TAOK3: variants seen among roughly 807,000 people sequenced by gnomAD.
TAOK3 encodes serine/threonine-protein kinase TAO3.
TAOK3 carries 40 observed loss-of-function variants against 120.4 expected under a neutral mutation model. The observed-to-expected ratio is 0.33, with a 90% CI of 0.26 to 0.43. TAOK3 has a LOEUF of 0.43. Among genes scored for constraint, TAOK3 ranks in the 20% least tolerant of loss-of-function variants. TAOK3 has a pLI of 1.00. For missense variants in TAOK3, 821 were observed against 1,112.1 expected (o/e 0.74, Z 3.72); for synonymous variants, 355 against 387.5 (o/e 0.92, Z 0.99).
intron 1 of TAOK3, among the ~76,000 whole-genome samples, chr12:118,356,577 G>T (rs2045403768): frequency 6.6e-6 from 1 of 151,760 alleles, no homozygotes; most frequent in African/African-American, 2.4e-5. Flanking sequence ...TGGGATTACA[G>T]GCGTCAGCAA....
At chr12:118,345,154 T>C (rs1198798610) in intron 1 of TAOK3, among the ~76,000 whole-genome samples, 2 of 152,206 alleles carry the variant, frequency 1.3e-5, no homozygotes, top group East Asian at 3.8e-4. Context: ...TGACATAAAT[T>C]TGAAGTAAGA....
intron 1 of TAOK3, among the ~76,000 whole-genome samples, chr12:118,289,618 A>T (rs1347932001): frequency 6.6e-6 from 1 of 152,194 alleles, no homozygotes; most frequent in Non-Finnish European, 1.5e-5. Context: ...ATTCCTCAAG[A>T]TGTAAGTAAT....
intron 1 of TAOK3, among the ~76,000 whole-genome samples, chr12:118,336,581 G>GAA (rs531962450): frequency 1.3e-5 from 2 of 150,146 alleles, no homozygotes; most frequent in East Asian, 3.9e-4. Context: ...CTCAGGGAAA[G>GAA]AAAAAAAAAT....
intron 15 of TAOK3, among the ~76,000 whole-genome samples, chr12:118,180,272 G>A (rs982544367): frequency 2.7e-5 from 4 of 146,712 alleles, no homozygotes; most frequent in South Asian, 2.2e-4. Flanking sequence ...ACAGGGTCTC[G>A]CTCTGTCACC....
chr12:118,154,923 AT>A (rs2034703876), intron 19 of TAOK3, among the ~76,000 whole-genome samples: 1 of 151,940 alleles, frequency 6.6e-6, no homozygotes, highest in African/African-American at 2.4e-5. Flanking sequence ...CTTCCCCCTT[AT>A]CCCCCCAAGC....
chr12:118,275,258 C>A (rs1673277929), intron 1 of TAOK3, among the ~76,000 whole-genome samples: 1 of 152,040 alleles, frequency 6.6e-6, no homozygotes, highest in Admixed American at 6.6e-5. Flanking sequence ...CTTGTCTCAG[C>A]CTTCCAATTA....
At chr12:118,215,330 CAAAAAA>C (rs759313035) in intron 9 of TAOK3, among the ~76,000 whole-genome samples, 2 of 89,612 alleles carry the variant, frequency 2.2e-5, no homozygotes, top group Admixed American at 1.2e-4. Flanking sequence ...CCCGTCTCTA[CAAAAAA>C]AAAAAAAAAA....
intron 1 of TAOK3, among the ~76,000 whole-genome samples, chr12:118,349,814 G>A (rs1219611999): frequency 6.6e-6 from 1 of 151,926 alleles, no homozygotes; most frequent in Non-Finnish European, 1.5e-5. Context: ...TGCCCCAAAT[G>A]ACAGCTTCAA....
At chr12:118,311,470 G>T (rs2043259526) in intron 1 of TAOK3, among the ~76,000 whole-genome samples, 1 of 151,178 alleles carries the variant, frequency 6.6e-6, no homozygotes, top group African/African-American at 2.4e-5. Context: ...CAGAAAAAAA[G>T]AAAAAAAAGA....
At chr12:118,343,160 G>A (rs191100162) in intron 1 of TAOK3, among the ~76,000 whole-genome samples, 1 of 152,040 alleles carries the variant, frequency 6.6e-6, no homozygotes, top group Non-Finnish European at 1.5e-5. Context: ...AGGTGCGGTG[G>A]CTCATGCCTG....
At chr12:118,218,051 G>A (rs1396196590) in intron 9 of TAOK3, among the ~76,000 whole-genome samples, 10 of 150,208 alleles carry the variant, frequency 6.7e-5, no homozygotes, top group Admixed American at 2.0e-4. Context: ...TAGTAGAGAC[G>A]GGGTTTCACC....
intron 1 of TAOK3, among the ~76,000 whole-genome samples, chr12:118,367,067 CA>C (rs919772334): frequency 1.1e-4 from 17 of 151,752 alleles, no homozygotes; most frequent in South Asian, 4.1e-4. Flanking sequence ...AAAACAACAA[CA>C]AAAAAAATGT....
Position 118,304,986 on chromosome 12 carries a change from T to C in TAOK3, c.-193-38227A>G, listed in dbSNP as rs572521816. Among the ~76,000 whole-genome samples, 4 of 152,296 alleles carry C rather than the reference T, an allele frequency of 2.6e-5. No homozygotes were observed. In the East Asian group the frequency reaches 5.8e-4, roughly 22 times the overall value. On this transcript the variant is annotated intron_variant, in intron 1 of 20. Coordinates refer to ENST00000392533, the MANE Select transcript of TAOK3 (RefSeq NM_016281.4). ...CATGGTTAAGAACACGGGTTATGATTAAAGTAGAACTGAGTTCAAATCCCA... is the reference window on the plus strand; with the variant it reads ...CATGGTTAAGAACACGGGTTATGATCAAAGTAGAACTGAGTTCAAATCCCA...
In TAOK3 at chr12:118,152,115, G is replaced by A. The variant is rs1004609608; in HGVS notation, c.2535+112C>T. The A allele has an allele frequency of 6.7e-6, 7 of 1,040,096 alleles. No individual in the cohort carries two copies. In the South Asian group the frequency reaches 9.5e-5, roughly 14 times the overall value. The allele number at this position is 1,040,096 out of a possible 1,614,324, so 64.4% of individuals were successfully genotyped here. ...GGTACCAGTAGCATAAAGCAGATAA[G>A]TGAAAAGTGCCCAGTTTAATCTCTA... On this transcript the variant is annotated intron_variant, in intron 20 of 20. Transcript: ENST00000392533.
chr12:118,219,471 A>C (rs1424742736), intron 9 of TAOK3, among the ~76,000 whole-genome samples: 1 of 152,188 alleles, frequency 6.6e-6, no homozygotes, highest in Non-Finnish European at 1.5e-5. Context: ...GTATGTATTC[A>C]GGATTCATTA....
chr12:118,246,109 G>A (rs1031991160), intron 3 of TAOK3: 12 of 1,333,414 alleles, frequency 9.0e-6, no homozygotes, highest in South Asian at 8.1e-5. Flanking sequence ...GGTGCAGCGG[G>A]GGGGCACGGA....
chr12:118,246,328 A>C (rs1282070108), intron 3 of TAOK3: 4 of 1,602,892 alleles, frequency 2.5e-6, no homozygotes, highest in African/African-American at 1.3e-5. Context: ...GAGGAGATCT[A>C]TCTCTTCTCC....
At chr12:118,355,432 A>G (rs757102320) in intron 1 of TAOK3, among the ~76,000 whole-genome samples, 4 of 152,238 alleles carry the variant, frequency 2.6e-5, no homozygotes, top group Admixed American at 6.5e-5. Flanking sequence ...ACAAAATGAA[A>G]AATGTTACTA....
chr12:118,162,062 T>C (rs1309134503), intron 17 of TAOK3, 35 bp from the exon 18 acceptor site: 2 of 1,603,832 alleles, frequency 1.2e-6, no homozygotes, highest in Admixed American at 3.4e-5. Flanking sequence ...CGGAGAGAGG[T>C]GAATGGAGAT....
Sources: gnomAD v4.1 joint callset for allele counts (sites outside exome capture counted in the v4.1 genomes callset) on GRCh38, gnomAD v4.1.1 for gene constraint, MANE v1.5 for transcripts, NCBI Gene and HGNC (gene_info 2026-07-23, HGNC 2026-07-21) for gene names.